Variants in NPEPPS observed in about 807,000 individuals in gnomAD.
NPEPPS encodes aminopeptidase puromycin sensitive.
In NPEPPS, 14 loss-of-function variants were observed where a neutral mutation model predicts 115.5. The observed-to-expected ratio is 0.12, with a 90% CI of 0.08 to 0.19. The LOEUF is 0.19. Among genes scored for constraint, NPEPPS ranks in the 10% least tolerant of loss-of-function variants. The probability of loss-of-function intolerance (pLI) is 1.00; values close to 1 mark genes in which losing one functional copy is unlikely to be tolerated. For missense variants in NPEPPS, 523 were observed against 1,110.8 expected, an observed-to-expected ratio of 0.47 and a Z score of 7.52; for synonymous variants, 285 against 390.6, an observed-to-expected ratio of 0.73 and a Z score of 3.19.
At chr17:47,605,140 GA>G (rs1394134459) in intron 16 of NPEPPS, among the ~76,000 whole-genome samples, 192 bp from the exon 17 acceptor site, 18 of 149,102 alleles carry the variant, frequency 1.2e-4, no homozygotes, top group African/African-American at 1.7e-4. Context: ...AAAAGAAAAA[GA>G]AAAAAATAAC....
chr17:47,618,514 G>GTC (rs1291223591), intron 20 of NPEPPS, 57 bp downstream of exon 20: 3 of 1,200,170 alleles, frequency 2.5e-6, no homozygotes, highest in Non-Finnish European at 3.7e-6. Context: ...TCTGAGAAGT[G>GTC]TCTCTGATTC....
chr17:47,560,946 C>T (rs544660910), intron 2 of NPEPPS, among the ~76,000 whole-genome samples: 363 of 152,252 alleles, frequency 2.4e-3, no homozygotes, highest in Non-Finnish European at 3.7e-3. Flanking sequence ...GAGGAAAATA[C>T]ATTCTGAGTT....
At chr17:47,564,964 G>T (rs1319890863) in intron 2 of NPEPPS, among the ~76,000 whole-genome samples, 2 of 152,062 alleles carry the variant, frequency 1.3e-5, no homozygotes, top group Non-Finnish European at 2.9e-5. Context: ...TGACCTCCAT[G>T]ACATAATTAC....
intron 12 of NPEPPS, among the ~76,000 whole-genome samples, chr17:47,595,629 G>T (rs1317708705): frequency 6.6e-6 from 1 of 152,068 alleles, no homozygotes; most frequent in Non-Finnish European, 1.5e-5. Context: ...GATTGCTTGA[G>T]CCCGGGATTT....
intron 2 of NPEPPS, among the ~76,000 whole-genome samples, chr17:47,555,574 C>T (rs536675685): frequency 1.4e-3 from 211 of 150,918 alleles, no homozygotes; most frequent in Non-Finnish European, 2.3e-3. Flanking sequence ...CTCGAACCTC[C>T]GACCACAGGT....
intron 2 of NPEPPS, among the ~76,000 whole-genome samples, chr17:47,563,068 C>T (rs1364593125): frequency 6.7e-6 from 1 of 149,198 alleles, no homozygotes; most frequent in African/African-American, 2.5e-5. Context: ...GTCTCGCTCT[C>T]TCAGCCAGGC....
intron 1 of NPEPPS, among the ~76,000 whole-genome samples, chr17:47,541,584 CCAGG>C (rs1567837220): frequency 6.6e-6 from 1 of 152,092 alleles, no homozygotes; most frequent in East Asian, 1.9e-4. Flanking sequence ...ACCATGTTAG[CCAGG>C]CTGGTCTCGA....
chr17:47,531,864 CT>C (rs1047074286), intron 1 of NPEPPS, among the ~76,000 whole-genome samples: 2 of 152,166 alleles, frequency 1.3e-5, no homozygotes, highest in Admixed American at 6.5e-5. Context: ...CTGTGTGGGG[CT>C]TTCCCCCCCG....
chr17:47,535,623 A>G (rs1411676870), intron 1 of NPEPPS, among the ~76,000 whole-genome samples: 1 of 150,034 alleles, frequency 6.7e-6, no homozygotes, highest in Admixed American at 6.7e-5. Context: ...ATTTGTTATT[A>G]TACAGAAGTT....
At chr17:47,608,744 A>G (rs1597887494) in intron 17 of NPEPPS, among the ~76,000 whole-genome samples, 1 of 152,202 alleles carries the variant, frequency 6.6e-6, no homozygotes, top group East Asian at 1.9e-4. Flanking sequence ...GTGAGGTAGA[A>G]GGAGAGCCAG....
chr17:47,576,053 A>G (rs1911502639), intron 3 of NPEPPS, among the ~76,000 whole-genome samples: 2 of 152,222 alleles, frequency 1.3e-5, no homozygotes, highest in African/African-American at 2.4e-5. Context: ...AGCTTATCTT[A>G]GGAGGACATT....
chr17:47,526,930 C>A (rs1318583243), upstream of NPEPPS, among the ~76,000 whole-genome samples: 2 of 152,146 alleles, frequency 1.3e-5, no homozygotes, highest in African/African-American at 4.8e-5. Context: ...TGCATTCCAG[C>A]CTGGGCGGCA....
At chr17:47,563,045 T>G (rs1262374197) in intron 2 of NPEPPS, among the ~76,000 whole-genome samples, 1 of 151,198 alleles carries the variant, frequency 6.6e-6, no homozygotes, top group Non-Finnish European at 1.5e-5. Context: ...TTTTGTTTTT[T>G]TTTTGAGATG....
chr17:47,615,711 G>T (rs1176139931), intron 19 of NPEPPS, among the ~76,000 whole-genome samples: 2 of 151,966 alleles, frequency 1.3e-5, no homozygotes, highest in Non-Finnish European at 2.9e-5. Context: ...TGATGATATG[G>T]AAAAAAATAG....
chr17:47,552,293 A>G (rs2611946), intron 2 of NPEPPS, among the ~76,000 whole-genome samples: 1 of 152,142 alleles, frequency 6.6e-6, no homozygotes, highest in African/African-American at 2.4e-5. Flanking sequence ...TATCTGTGAA[A>G]TATATTCTGG....
At chr17:47,589,994 CT>C (rs1013442508) in intron 9 of NPEPPS, among the ~76,000 whole-genome samples, 4 of 151,292 alleles carry the variant, frequency 2.6e-5, no homozygotes, top group African/African-American at 9.7e-5. Flanking sequence ...CATATATGGG[CT>C]TTTTTTTTCC....
intron 15 of NPEPPS, chr17:47,601,952 G>A: frequency 3.7e-6 from 2 of 543,802 alleles, no homozygotes; most frequent in South Asian, 2.2e-5. Flanking sequence ...AGATCCAAAG[G>A]CATAGGACTA....
At chr17:47,621,385 T>G (rs912072494) in intron 22 of NPEPPS, among the ~76,000 whole-genome samples, 1 of 152,168 alleles carries the variant, frequency 6.6e-6, no homozygotes, top group African/African-American at 2.4e-5. Flanking sequence ...AGATATTTTC[T>G]CATAGTTGAG....
intron 1 of NPEPPS, among the ~76,000 whole-genome samples, chr17:47,542,173 C>A (rs1284504572): frequency 1.3e-5 from 2 of 152,102 alleles, no homozygotes; most frequent in Admixed American, 6.6e-5. Flanking sequence ...TACAGTGTTT[C>A]TGAAAACTTG....
Sources: gnomAD v4.1 joint callset for allele counts (sites outside exome capture counted in the v4.1 genomes callset) on GRCh38, gnomAD v4.1.1 for gene constraint, MANE v1.5 for transcripts, NCBI Gene and HGNC (gene_info 2026-07-23, HGNC 2026-07-21) for gene names.